The following FSHR variants were observed in gnomAD, a reference collection of about 807,000 sequenced individuals.
FSHR encodes follicle stimulating hormone receptor, also known as follicle-stimulating hormone receptor.
FSHR carries 46 observed loss-of-function variants against 52.1 expected under a neutral mutation model. The ratio of observed to expected loss-of-function variants is 0.88; its 90% CI spans 0.70 to 1.13. The LOEUF is 1.13. Ranked by LOEUF, FSHR falls within the 50% of genes most tolerant of loss-of-function variation. The probability of loss-of-function intolerance (pLI) is 0.00; values close to 1 mark genes in which losing one functional copy is unlikely to be tolerated. For missense variants in FSHR, 964 were observed against 834.6 expected (o/e 1.16, Z -1.91); for synonymous variants, 399 against 309.6 (o/e 1.29, Z -3.03).
At chr2:48,964,016 C>A in intron 9 of FSHR, 50 bp from the exon 10 acceptor site, 1 of 1,552,822 alleles carries the variant, frequency 6.4e-7, no homozygotes, top group Non-Finnish European at 8.8e-7. Flanking sequence ...TCCAGTATAG[C>A]AAATACATCA....
At chr2:49,133,875 G>A (rs1039139122) in intron 1 of FSHR, among the ~76,000 whole-genome samples, 3 of 152,148 alleles carry the variant, frequency 2.0e-5, no homozygotes, top group Non-Finnish European at 2.9e-5. Context: ...TATGTAGAAA[G>A]CTGAAACTGG....
chr2:48,977,711 T>A (rs559237177), intron 8 of FSHR, among the ~76,000 whole-genome samples: 14 of 152,222 alleles, frequency 9.2e-5, no homozygotes, highest in Non-Finnish European at 1.8e-4. Flanking sequence ...GGTACTGTTT[T>A]CTGTTTTCAC....
intron 1 of FSHR, among the ~76,000 whole-genome samples, chr2:49,113,917 G>C (rs6760923): frequency 0.27 from 40,419 of 152,036 alleles, 7,072 homozygotes; most frequent in African/African-American, 0.51. Flanking sequence ...AGAGACTTCA[G>C]AGTTGTCTCA....
At chr2:49,014,578 A>C (rs1256787276) in intron 4 of FSHR, 2 of 230,184 alleles carry the variant, frequency 8.7e-6, no homozygotes, top group Non-Finnish European at 1.7e-5. Context: ...GGGAAGGGCC[A>C]AGGGGGTCCT....
At chr2:49,113,836 C>T (rs1671509979) in intron 1 of FSHR, among the ~76,000 whole-genome samples, 1 of 152,098 alleles carries the variant, frequency 6.6e-6, no homozygotes, top group South Asian at 2.1e-4. Flanking sequence ...TGGCAGTAAA[C>T]TCTCCCCCTC....
At chr2:49,108,261 T>A (rs1671302505) in intron 1 of FSHR, among the ~76,000 whole-genome samples, 1 of 152,174 alleles carries the variant, frequency 6.6e-6, no homozygotes, top group Non-Finnish European at 1.5e-5. Flanking sequence ...ACTGCACTAC[T>A]GGCTTTCCTG....
intron 1 of FSHR, among the ~76,000 whole-genome samples, chr2:49,134,993 C>A (rs937315452): frequency 2.6e-5 from 4 of 152,086 alleles, no homozygotes; most frequent in African/African-American, 4.8e-5. Context: ...TGCAGCACAG[C>A]AGCATGGCAC....
intron 4 of FSHR, among the ~76,000 whole-genome samples, chr2:49,011,537 T>C (rs564923199): frequency 1.3e-5 from 2 of 152,310 alleles, no homozygotes; most frequent in African/African-American, 4.8e-5. Context: ...TGTAGATGTC[T>C]ATTAGGTCCG....
At chr2:49,043,454 C>T (rs1668549102) in intron 2 of FSHR, among the ~76,000 whole-genome samples, 1 of 152,184 alleles carries the variant, frequency 6.6e-6, no homozygotes, top group Non-Finnish European at 1.5e-5. Context: ...ATATAAATCT[C>T]ACATTTCTCT....
intron 2 of FSHR, among the ~76,000 whole-genome samples, chr2:49,060,890 C>A (rs144206874): frequency 6.6e-6 from 1 of 152,234 alleles, no homozygotes; most frequent in Non-Finnish European, 1.5e-5. Context: ...TGTAAAGAGT[C>A]TAGAATGCTG....
At chr2:48,968,177 T>A (rs1041571795) in intron 9 of FSHR, among the ~76,000 whole-genome samples, 2 of 152,172 alleles carry the variant, frequency 1.3e-5, no homozygotes, top group African/African-American at 4.8e-5. Flanking sequence ...GCCAAAGTAA[T>A]GAGATGTCTT....
chr2:49,141,874 T>A (rs760472484), intron 1 of FSHR, among the ~76,000 whole-genome samples: 27 of 152,186 alleles, frequency 1.8e-4, no homozygotes, highest in Non-Finnish European at 3.7e-4. Context: ...ATCAGGTATA[T>A]AAGAGATGTC....
intron 4 of FSHR, among the ~76,000 whole-genome samples, chr2:48,997,002 C>T (rs1676052231): frequency 6.6e-6 from 1 of 152,050 alleles, no homozygotes; most frequent in Non-Finnish European, 1.5e-5. Context: ...AAGATGCTAA[C>T]ATATGCTTTC....
chr2:48,988,887 C>T, intron 6 of FSHR, 90 bp downstream of exon 6: 3 of 1,090,636 alleles, frequency 2.8e-6, no homozygotes, highest in South Asian at 2.6e-5. Context: ...CAAAGTTACC[C>T]AAACAAAAAA....
chr2:49,131,013 T>A (rs1054551223), intron 1 of FSHR, among the ~76,000 whole-genome samples: 20 of 152,198 alleles, frequency 1.3e-4, no homozygotes, highest in African/African-American at 4.8e-4. Flanking sequence ...GTGTTACTTA[T>A]ACCATAATGA....
chr2:49,020,159 C>G lies in FSHR; in HGVS notation c.226G>C (p.Glu76Gln), dbSNP rs748549199. 7 of 1,612,678 alleles carry G rather than the reference C, an allele frequency of 4.3e-6. No individual in the cohort carries two copies. The South Asian group carries it at 7.7e-5, about 18-fold the overall frequency. The change falls in exon 3 of 10, where the codon GAG (glutamate) becomes CAG (glutamine). Residue 76 changes from glutamate (E) to glutamine (Q), a missense_variant and splice_region_variant. By Grantham distance (29) the Glu-to-Gln change is conservative. Transcript: ENST00000406846. ...FSGFGDLEKI[E>Q]ISQNDVLEVI... Reference sequence around the variant, plus strand: ...TCCAAGACATCATTCTGAGAGATCTCTCTGTGGAGAAAAAAATATATAAGT... The same window carrying G: ...TCCAAGACATCATTCTGAGAGATCTGTCTGTGGAGAAAAAAATATATAAGT...
chr2:49,035,163 T>A (rs1668233822), intron 2 of FSHR, among the ~76,000 whole-genome samples: 1 of 152,220 alleles, frequency 6.6e-6, no homozygotes, highest in Non-Finnish European at 1.5e-5. Flanking sequence ...ATGGCTGTGT[T>A]AAACCATGTT....
chr2:48,995,751 C>T (rs1470036299), intron 4 of FSHR, among the ~76,000 whole-genome samples: 1 of 152,008 alleles, frequency 6.6e-6, no homozygotes. Context: ...GGTTGAGAAC[C>T]AACTGTGGAG....
chr2:49,100,380 C>T (rs887856982), intron 1 of FSHR, among the ~76,000 whole-genome samples: 1 of 152,158 alleles, frequency 6.6e-6, no homozygotes, highest in Non-Finnish European at 1.5e-5. Flanking sequence ...ACAGTACTTT[C>T]TCCTTTGATT....
Sources: gnomAD v4.1 joint callset for allele counts (sites outside exome capture counted in the v4.1 genomes callset) on GRCh38, gnomAD v4.1.1 for gene constraint, MANE v1.5 for transcripts, NCBI Gene and HGNC (gene_info 2026-07-23, HGNC 2026-07-21) for gene names.